The following TENM4 variants were observed in gnomAD, a reference collection of about 807,000 sequenced individuals.
TENM4 encodes teneurin transmembrane protein 4, also known as teneurin-4.
Under a neutral mutation model 243.3 loss-of-function variants are expected in TENM4, and 82 were observed. That is an observed-to-expected ratio of 0.34 (90% CI 0.28 to 0.40). The LOEUF is 0.40. Among genes scored for constraint, TENM4 ranks in the 10% least tolerant of loss-of-function variants. The probability of loss-of-function intolerance (pLI) is 1.00; values close to 1 mark genes in which losing one functional copy is unlikely to be tolerated. For synonymous variants in TENM4, 1,412 were observed against 1,456.3 expected, an observed-to-expected ratio of 0.97 and a Z score of 0.69; for missense variants, 3,138 against 3,673.3, an observed-to-expected ratio of 0.85 and a Z score of 3.77.
intron 4 of TENM4, among the ~76,000 whole-genome samples, chr11:79,086,310 G>A (rs1243338215): frequency 1.3e-5 from 2 of 152,166 alleles, no homozygotes; most frequent in Admixed American, 6.5e-5. Context: ...ACCAACACCC[G>A]GTAGATTATA....
At chr11:78,724,324 T>C (rs1277374767) in intron 23 of TENM4, among the ~76,000 whole-genome samples, 1 of 152,240 alleles carries the variant, frequency 6.6e-6, no homozygotes, top group Non-Finnish European at 1.5e-5. Context: ...ACTCCTGGCC[T>C]CAAGCGATCC....
chr11:79,408,534 C>A (rs550099329), intron 1 of TENM4, among the ~76,000 whole-genome samples: 7 of 152,312 alleles, frequency 4.6e-5, no homozygotes, highest in African/African-American at 1.4e-4. Flanking sequence ...GAATATGTAA[C>A]CTCTGTAATA....
intron 6 of TENM4, among the ~76,000 whole-genome samples, chr11:79,013,055 C>T (rs658192): frequency 0.49 from 73,639 of 151,628 alleles, 18,417 homozygotes; most frequent in Middle Eastern, 0.55. Context: ...AAGATTTATG[C>T]AGTCCTTGGA....
At chr11:79,382,886 G>C (rs553866956) in intron 1 of TENM4, among the ~76,000 whole-genome samples, 1 of 152,254 alleles carries the variant, frequency 6.6e-6, no homozygotes, top group African/African-American at 2.4e-5. Context: ...GTAATTATGG[G>C]TCCAGGGATG....
chr11:79,078,558 A>T (rs1860587474), intron 4 of TENM4, among the ~76,000 whole-genome samples: 1 of 152,132 alleles, frequency 6.6e-6, no homozygotes, highest in Non-Finnish European at 1.5e-5. Flanking sequence ...AGAAACTGAG[A>T]GTAGCAAAGT....
intron 6 of TENM4, among the ~76,000 whole-genome samples, chr11:78,977,640 A>G (rs1411104812): frequency 6.6e-6 from 1 of 152,258 alleles, no homozygotes; most frequent in African/African-American, 2.4e-5. Context: ...AATGCAAATC[A>G]AAACCACAAT....
At chr11:78,805,268 T>C (rs145386582) in intron 15 of TENM4, 24 bp downstream of exon 15, 12 of 15,112 alleles carry the variant, frequency 7.9e-4, no homozygotes, top group African/African-American at 9.8e-3. Context: ...CCTCTACCCA[T>C]GCTTCTTCTC....
At chr11:79,062,027 T>C (rs892590056) in intron 6 of TENM4, among the ~76,000 whole-genome samples, 1 of 149,572 alleles carries the variant, frequency 6.7e-6, no homozygotes, top group African/African-American at 2.5e-5. Context: ...AGTGGTGCAA[T>C]CTTGGCTCAT....
At chr11:79,325,095 C>T (rs1425136341) in intron 1 of TENM4, among the ~76,000 whole-genome samples, 2 of 152,134 alleles carry the variant, frequency 1.3e-5, no homozygotes, top group Admixed American at 6.5e-5. Flanking sequence ...AATATTCCAA[C>T]GTTGGCACGT....
chr11:79,295,932 C>CACACA (rs61326365), intron 2 of TENM4, among the ~76,000 whole-genome samples: 1 of 148,368 alleles, frequency 6.7e-6, no homozygotes, highest in Non-Finnish European at 1.5e-5. Flanking sequence ...CACACACACA[C>CACACA]TCCCCCAAAA....
At chr11:79,236,653 G>A (rs1014419012) in intron 2 of TENM4, among the ~76,000 whole-genome samples, 1 of 152,162 alleles carries the variant, frequency 6.6e-6, no homozygotes, top group Non-Finnish European at 1.5e-5. Flanking sequence ...ATCTGCAGCA[G>A]ATACCAAATA....
chr11:78,814,249 G>A (rs762836571), intron 13 of TENM4, 45 bp downstream of exon 13: 3 of 1,524,966 alleles, frequency 2.0e-6, no homozygotes, highest in Non-Finnish European at 2.7e-6. Context: ...GCTGCCTGAG[G>A]GGTCTGGGAA....
intron 6 of TENM4, among the ~76,000 whole-genome samples, chr11:78,968,052 CT>C (rs1463756686): frequency 6.6e-6 from 1 of 152,224 alleles, no homozygotes; most frequent in Admixed American, 6.5e-5. Context: ...TGCCCTCCCC[CT>C]GGAAATGAAT....
At chr11:79,273,381 T>G (rs1256730765) in intron 2 of TENM4, among the ~76,000 whole-genome samples, 1 of 152,208 alleles carries the variant, frequency 6.6e-6, no homozygotes, top group Non-Finnish European at 1.5e-5. Flanking sequence ...GACAGAACTC[T>G]TAGGTAGAGG....
intron 2 of TENM4, among the ~76,000 whole-genome samples, chr11:79,285,022 G>T (rs1054947441): frequency 2.6e-5 from 4 of 152,086 alleles, no homozygotes; most frequent in Non-Finnish European, 5.9e-5. Context: ...GGCAGATCAC[G>T]AGGTCAAGAG....
chr11:79,401,048 G>T (rs555654842), intron 1 of TENM4, among the ~76,000 whole-genome samples: 175 of 152,294 alleles, frequency 1.1e-3, no homozygotes, highest in African/African-American at 4.1e-3. Flanking sequence ...TCAAACTACC[G>T]AGTGAAAAAT....
intron 1 of TENM4, among the ~76,000 whole-genome samples, chr11:79,427,657 C>T (rs1859083430): frequency 6.6e-6 from 1 of 151,982 alleles, no homozygotes; most frequent in African/African-American, 2.4e-5. Context: ...TCTTAGGTTT[C>T]CTAAATTTTC....
intron 1 of TENM4, among the ~76,000 whole-genome samples, chr11:79,391,608 C>G (rs1352840065): frequency 1.3e-5 from 2 of 152,116 alleles, no homozygotes; most frequent in African/African-American, 4.8e-5. Flanking sequence ...TTTTTTATAA[C>G]TCATTGGGTG....
intron 24 of TENM4, among the ~76,000 whole-genome samples, chr11:78,721,857 T>C (rs1252987396): frequency 6.6e-6 from 1 of 152,116 alleles, no homozygotes; most frequent in African/African-American, 2.4e-5. Context: ...CCCTTATCTC[T>C]AAAGCACAGC....
Sources: gnomAD v4.1 joint callset for allele counts (sites outside exome capture counted in the v4.1 genomes callset) on GRCh38, gnomAD v4.1.1 for gene constraint, MANE v1.5 for transcripts, NCBI Gene and HGNC (gene_info 2026-07-23, HGNC 2026-07-21) for gene names.